Variants in LRP4 observed in about 807,000 individuals in gnomAD.
The protein encoded by LRP4 is low-density lipoprotein receptor-related protein 4.
LRP4 carries 95 observed loss-of-function variants against 220.3 expected under a neutral mutation model. That is an observed-to-expected ratio of 0.43 (90% CI 0.37 to 0.51). LRP4 has a LOEUF of 0.51. Among genes scored for constraint, LRP4 ranks in the 20% least tolerant of loss-of-function variants. The pLI, the probability that LRP4 is intolerant of heterozygous loss-of-function variation, is 0.00. For missense variants in LRP4, 1,925 were observed against 2,567.0 expected (o/e 0.75, Z 5.40); for synonymous variants, 903 against 954.6 (o/e 0.95, Z 1.00).
chr11:46,875,816 A>T lies in LRP4; in HGVS notation c.3687T>A (p.Asp1229Glu). The T allele has an allele frequency of 6.2e-7, 1 of 1,614,092 alleles. No individual in the cohort carries two copies. The highest frequency in any genetic ancestry group is 8.5e-7 in the Non-Finnish European group (1 of 1,180,016). ...DKASSQLLWA[D>E]AHTERIEAAD... Reference sequence around the variant, plus strand: ...ACACGGCTCTCACCTCGGTGTGGGCATCGGCCCATAGCAGTTGGGAGCTGG... The same window carrying T: ...ACACGGCTCTCACCTCGGTGTGGGCTTCGGCCCATAGCAGTTGGGAGCTGG... Residue 1229 changes from aspartate (D) to glutamate (E), a missense_variant, in exon 26 of 38, where the codon GAT (aspartate) becomes GAA (glutamate). By Grantham distance (45) the Asp-to-Glu change is conservative (BLOSUM62 2). Around this residue, in one of 3 missense-constraint regions of LRP4, gnomAD observed 1,244 missense variants for 1,624.9 expected, o/e 0.77. Transcript: ENST00000378623. This position sits in a 1 kb window ranked among gnomAD's most constrained non-coding sequence, Gnocchi z 4.5.
At chr11:46,904,643 C>T (rs1941729815) in intron 1 of LRP4, among the ~76,000 whole-genome samples, 1 of 152,138 alleles carries the variant, frequency 6.6e-6, no homozygotes, top group African/African-American at 2.4e-5. Context: ...CCTCTCCCTC[C>T]ACATGCTATG....
rs531388837 is a variant in LRP4 at position 46,916,701 on chromosome 11, A to T, written c.52+1627T>A. The stretch of plus-strand genomic sequence containing the variant: ...TTTGTTGGTATCCGTTTTAACCCTA[A>T]TTTTTTTTTTTTTTCCCAGTGCCTT... On this transcript the variant is annotated intron_variant, in intron 1 of 37. Coordinates refer to ENST00000378623, the MANE Select transcript of LRP4 (RefSeq NM_002334.4). Among the ~76,000 whole-genome samples the T allele has an allele frequency of 5.1e-3, 723 of 142,988 alleles. 9 individuals are homozygous for T. Among genetic ancestry groups the T allele is most frequent in the South Asian group, 0.044 (199 of 4,502 alleles). The allele number at this position is 142,988 out of a possible 152,430, so 93.8% of individuals were successfully genotyped here.
intron 22 of LRP4, 31 bp from the exon 23 acceptor site, chr11:46,877,370 C>G (rs774223981): frequency 1.2e-6 from 2 of 1,613,516 alleles, no homozygotes; most frequent in African/African-American, 1.3e-5. Context: ...AAGAGGATCA[C>G]TCGAGCACAG....
intron 34 of LRP4, 97 bp downstream of exon 34, chr11:46,867,882 C>CT (rs1215610440): frequency 1.4e-6 from 2 of 1,455,090 alleles, no homozygotes; most frequent in Non-Finnish European, 9.5e-7. Flanking sequence ...CTGACATAAT[C>CT]TATCTCCCAA....
chr11:46,875,437 C>G lies in LRP4; in HGVS notation c.3925+19G>C. 4 of 1,607,534 alleles carry G rather than the reference C, an allele frequency of 2.5e-6. No individual in the cohort carries two copies. The highest frequency in any genetic ancestry group is 3.4e-6 in the Non-Finnish European group (4 of 1,174,348). On this transcript the variant is annotated intron_variant, in intron 27 of 37. Transcript: ENST00000378623. This position sits in a 1 kb window ranked among gnomAD's most constrained non-coding sequence, Gnocchi z 4.5. ...AAGCCAGAGGCTCTGACTCACAGCC[C>G]CAGCCCTCTGACTCTCACCTAGTGG...
At chr11:46,915,227 AAGG>A (rs1402926306) in intron 1 of LRP4, among the ~76,000 whole-genome samples, 1 of 152,216 alleles carries the variant, frequency 6.6e-6, no homozygotes, top group African/African-American at 2.4e-5. Flanking sequence ...GCGAGATGGA[AAGG>A]AGACCAGTCT....
rs530989882 is a variant in LRP4 at position 46,867,698 on chromosome 11, T to G, written c.5087+281A>C. Among the ~76,000 whole-genome samples the G allele has an allele frequency of 7.9e-5, 12 of 152,298 alleles. 2 individuals are homozygous for G. The highest frequency in any genetic ancestry group is 2.9e-4 in the African/African-American group (12 of 41,564). The stretch of plus-strand genomic sequence containing the variant: ...CTGGTCTCCAACTCCCGACCTCAAG[T>G]GATCCACCCGCCTCAGCCTCCCAAA... On this transcript the variant is annotated intron_variant, in intron 34 of 37. Transcript: ENST00000378623.
Position 46,858,811 on chromosome 11 carries a change from T to G in LRP4, c.*172A>C. The G allele has an allele frequency of 2.9e-6, 2 of 680,496 alleles. No individual in the cohort carries two copies. Among genetic ancestry groups the G allele is most frequent in the Non-Finnish European group, 5.3e-6 (2 of 375,350 alleles). The allele number at this position is 680,496 out of a possible 1,614,324, so 42.2% of individuals were successfully genotyped here. A position where few individuals can be genotyped will look rare whatever the true frequency, so the allele number is the denominator to read the frequency against. On this transcript the variant is annotated 3_prime_UTR_variant, in exon 38 of 38. Transcript: ENST00000378623. ...TGTGCCATCATTTCTTGTGCACAGGTAGTTATGGACTCACGTGGTAAACAG... is the reference window on the plus strand; with the variant it reads ...TGTGCCATCATTTCTTGTGCACAGGGAGTTATGGACTCACGTGGTAAACAG...
chr11:46,863,934 C>T (rs1427878518), intron 36 of LRP4, among the ~76,000 whole-genome samples: 1 of 151,932 alleles, frequency 6.6e-6, no homozygotes. Context: ...CTGTAAGCTA[C>T]GTTTAAAGCA....
In LRP4 at chr11:46,875,257, C is replaced by G. The variant is rs550654503; in HGVS notation, c.3926-154G>C. 3.3e-5 allele frequency among the ~76,000 whole-genome samples: 5 copies of G among 152,170 alleles called. No individual in the cohort carries two copies. The East Asian group carries it at 9.7e-4, about 29-fold the overall frequency. ...GTAGAAGGAGGGTCTGCAGGAGGAT[C>G]TCCAGGAGTCCTTTGAAGGTGACAG... On this transcript the variant is annotated intron_variant, in intron 27 of 37. Coordinates refer to ENST00000378623, the MANE Select transcript of LRP4 (RefSeq NM_002334.4). This position sits in a 1 kb window ranked among gnomAD's most constrained non-coding sequence, Gnocchi z 4.5.
At chr11:46,886,884 G>C (rs1368780416) in intron 16 of LRP4, among the ~76,000 whole-genome samples, 7 of 152,134 alleles carry the variant, frequency 4.6e-5, no homozygotes, top group Admixed American at 4.6e-4. Context: ...GTTCATGACT[G>C]TGTCAGGGCT....
chr11:46,870,624 C>T (rs1425447132), intron 31 of LRP4, among the ~76,000 whole-genome samples: 1 of 152,178 alleles, frequency 6.6e-6, no homozygotes, highest in Non-Finnish European at 1.5e-5. Context: ...TAGGGTCTCG[C>T]CATGTTGCCC....
rs2134851406 is a variant in LRP4 at position 46,895,257 on chromosome 11, G to A, written c.1218C>T (p.Ser406=). The part of the protein sequence containing the change: ...VNECAEEGYC[S]QGCTNSEGAF... ...CCCCTTCGCTGTTGGTGCAGCCCTGGCTGCAATACCCCTCCTCGGCACATT... is the reference window on the plus strand; with the variant it reads ...CCCCTTCGCTGTTGGTGCAGCCCTGACTGCAATACCCCTCCTCGGCACATT... Residue 406 remains serine, a synonymous_variant, in exon 11 of 38, where the codon AGC becomes AGT. Transcript: ENST00000378623. The A allele has an allele frequency of 6.2e-7, 1 of 1,613,870 alleles. No homozygotes were observed. Among genetic ancestry groups the A allele is most frequent in the Non-Finnish European group, 8.5e-7 (1 of 1,180,022 alleles).
chr11:46,883,557 C>T (rs1195194802), intron 19 of LRP4, among the ~76,000 whole-genome samples: 3 of 152,238 alleles, frequency 2.0e-5, no homozygotes, highest in African/African-American at 7.2e-5. Flanking sequence ...ATGCTAATGA[C>T]TGGCTTGCTG....
At chr11:46,868,543 A>G (rs1592515473) in intron 33 of LRP4, 57 bp downstream of exon 33, 2 of 1,230,014 alleles carry the variant, frequency 1.6e-6, no homozygotes, top group African/African-American at 1.5e-5. Context: ...GAGGCTGCTG[A>G]CTCTCAGCCC....
At chr11:46,912,086 T>A (rs1941869477) in intron 1 of LRP4, among the ~76,000 whole-genome samples, 2 of 152,158 alleles carry the variant, frequency 1.3e-5, no homozygotes, top group South Asian at 4.1e-4. Flanking sequence ...ACTCCTGACG[T>A]CAAGTGATCC....
chr11:46,867,822 TACA>T (rs1228830436), intron 34 of LRP4, among the ~76,000 whole-genome samples, 154 bp downstream of exon 34: 2 of 152,338 alleles, frequency 1.3e-5, no homozygotes, highest in East Asian at 3.9e-4. Flanking sequence ...TGTAACAATC[TACA>T]AGTCTGAATA....
rs1383278500 is a variant in LRP4, at chr11:46,898,832, G to A, written c.676+72C>T. ...TCTCTGAACTCCTGCCCCAGCTGGCGACTGTGCCTTGCCACCCAAGCAGTT... is the reference window on the plus strand; with the variant it reads ...TCTCTGAACTCCTGCCCCAGCTGGCAACTGTGCCTTGCCACCCAAGCAGTT... On this transcript the variant is annotated intron_variant, in intron 6 of 37. Transcript: ENST00000378623. 1.1e-5 allele frequency: 18 copies of A among 1,609,258 alleles called. No homozygotes were observed. The South Asian group carries it at 1.3e-4, about 12-fold the overall frequency.
rs779711733 is a variant in LRP4, at chr11:46,895,883, C to A, written c.1183+1G>T. On this transcript the variant is annotated splice_donor_variant, in intron 10 of 37. Coordinates refer to ENST00000378623, the MANE Select transcript of LRP4 (RefSeq NM_002334.4). LOFTEE classifies it high-confidence loss of function. ...CTGCTGCAAACCAGGCCCCAGCTCA[C>A]CTTGGCACGTGTGCCCATCCTCTGT... The A allele has an allele frequency of 6.2e-7, 1 of 1,612,450 alleles. No homozygotes were observed. The highest frequency in any genetic ancestry group is 8.5e-7 in the Non-Finnish European group (1 of 1,179,944).
Sources: gnomAD v4.1 joint callset for allele counts (sites outside exome capture counted in the v4.1 genomes callset) on GRCh38, gnomAD v4.1.1 for gene constraint, gnomAD v4.1.1 regional missense constraint, Gnocchi (gnomAD v3.1) non-coding constraint, MANE v1.5 for transcripts, NCBI Gene and HGNC (gene_info 2026-07-23, HGNC 2026-07-21) for gene names.